The following RAB11FIP2 variants were observed in gnomAD, a reference collection of about 807,000 sequenced individuals.
RAB11FIP2 encodes the protein rab11 family-interacting protein 2.
In RAB11FIP2, 16 loss-of-function variants were observed where a neutral mutation model predicts 40.9. That is an observed-to-expected ratio of 0.39 (90% CI 0.26 to 0.59). The LOEUF (loss-of-function observed/expected upper bound fraction) is 0.59. Ranked by LOEUF, RAB11FIP2 falls within the 20% of genes least tolerant of loss-of-function variation. The pLI, the probability that RAB11FIP2 is intolerant of heterozygous loss-of-function variation, is 0.53. For synonymous variants in RAB11FIP2, 228 were observed against 213.7 expected, an observed-to-expected ratio of 1.07 and a Z score of -0.58; for missense variants, 532 against 606.2, an observed-to-expected ratio of 0.88 and a Z score of 1.28.
intron 3 of RAB11FIP2, among the ~76,000 whole-genome samples, chr10:118,038,280 A>T (rs1431693214): frequency 6.6e-6 from 1 of 151,010 alleles, no homozygotes; most frequent in Non-Finnish European, 1.5e-5. Context: ...ATAGATTTAA[A>T]TTTAGATATA....
rs935980776 is a variant in RAB11FIP2, at chr10:118,005,707, A to C, written c.*3291T>G. 1 of 152,192 alleles carries C rather than the reference A, an allele frequency of 6.6e-6. No homozygotes were observed. Among genetic ancestry groups the C allele is most frequent in the Non-Finnish European group, 1.5e-5 (1 of 68,012 alleles). The allele number at this position is 152,192 out of a possible 1,614,324, so 9.4% of individuals were successfully genotyped here. A position where few individuals can be genotyped will look rare whatever the true frequency, so the allele number is the denominator to read the frequency against. On this transcript the variant is annotated 3_prime_UTR_variant, in exon 5 of 5. Coordinates refer to ENST00000355624, the MANE Select transcript of RAB11FIP2 (RefSeq NM_014904.3). ...TCTGAAAAGCTACAGAGGAAAATAA[A>C]AGCTCTAGTGTAACATTTACTGTAG...
At chr10:118,017,211 C>T (rs1303338551) in intron 3 of RAB11FIP2, among the ~76,000 whole-genome samples, 1 of 152,128 alleles carries the variant, frequency 6.6e-6, no homozygotes, top group African/African-American at 2.4e-5. Flanking sequence ...AGCCCTAGCC[C>T]CATTCCCTGT....
At chr10:118,028,406 A>G (rs1168476215) in intron 3 of RAB11FIP2, among the ~76,000 whole-genome samples, 1 of 152,028 alleles carries the variant, frequency 6.6e-6, no homozygotes, top group Non-Finnish European at 1.5e-5. Context: ...GTTCAAAGAG[A>G]TAAATGTCAA....
chr10:118,035,006 T>G (rs992839945), intron 3 of RAB11FIP2, among the ~76,000 whole-genome samples: 1 of 152,126 alleles, frequency 6.6e-6, no homozygotes, highest in African/African-American at 2.4e-5. Context: ...CTCTGGCCAA[T>G]GGGACATATG....
chr10:118,036,033 C>T (rs1846477137), intron 3 of RAB11FIP2, among the ~76,000 whole-genome samples: 1 of 152,038 alleles, frequency 6.6e-6, no homozygotes, highest in Admixed American at 6.6e-5. Context: ...GTGCTTTCTT[C>T]AGGCGGACTT....
intron 1 of RAB11FIP2, among the ~76,000 whole-genome samples, chr10:118,044,477 T>C (rs1846601309): frequency 6.6e-6 from 1 of 152,186 alleles, no homozygotes; most frequent in African/African-American, 2.4e-5. Flanking sequence ...TGCCACTCTT[T>C]AGGTATCAAA....
At chr10:118,021,127 T>C (rs2133168145) in intron 3 of RAB11FIP2, among the ~76,000 whole-genome samples, 1 of 152,280 alleles carries the variant, frequency 6.6e-6, no homozygotes, top group South Asian at 2.1e-4. Flanking sequence ...CAATATGCTT[T>C]TCCAATTCAC....
chr10:118,040,612 G>A (rs1320844915), intron 1 of RAB11FIP2, 47 bp from the exon 2 acceptor site: 15 of 1,345,464 alleles, frequency 1.1e-5, no homozygotes, highest in Non-Finnish European at 1.5e-5. Context: ...AATAGAGAGA[G>A]GATACTGAGT....
intron 3 of RAB11FIP2, among the ~76,000 whole-genome samples, chr10:118,015,511 A>T (rs1263946944): frequency 6.6e-6 from 1 of 152,242 alleles, no homozygotes; most frequent in African/African-American, 2.4e-5. Flanking sequence ...GGTTGGAAAG[A>T]TTATAGAATA....
At chr10:118,028,019 G>A (rs183054236) in intron 3 of RAB11FIP2, among the ~76,000 whole-genome samples, 24 of 152,128 alleles carry the variant, frequency 1.6e-4, no homozygotes, top group African/African-American at 5.8e-4. Flanking sequence ...GTTTAACACA[G>A]TTTATTCTGC....
rs562280085 is a variant in RAB11FIP2, at chr10:118,006,088, G to A, written c.*2910C>T. The A allele has an allele frequency of 1.3e-5, 2 of 152,582 alleles. No homozygotes were observed. Among genetic ancestry groups the A allele is most frequent in the South Asian group, 2.1e-4 (1 of 4,824 alleles). 9.5% of individuals were successfully genotyped at this position (152,582 alleles called of 1,614,324 possible). On this transcript the variant is annotated 3_prime_UTR_variant, in exon 5 of 5. Coordinates refer to ENST00000355624, the MANE Select transcript of RAB11FIP2 (RefSeq NM_014904.3). ...GCAGCAAAAAGCAATACTTAAAAACGTTTTTCATGAATGGGTTACATGTTG... is the reference window on the plus strand; with the variant it reads ...GCAGCAAAAAGCAATACTTAAAAACATTTTTCATGAATGGGTTACATGTTG...
At chr10:118,032,439 C>T (rs930589705) in intron 3 of RAB11FIP2, among the ~76,000 whole-genome samples, 7 of 151,640 alleles carry the variant, frequency 4.6e-5, no homozygotes, top group Admixed American at 4.6e-4. Flanking sequence ...CCTATTCAGC[C>T]ATATCTTTTA....
In RAB11FIP2 at chr10:118,008,489, A is replaced by G. The variant is rs1186612555; in HGVS notation, c.*509T>C. The G allele has an allele frequency of 1.6e-4, 25 of 157,562 alleles. No homozygotes were observed. Among genetic ancestry groups the G allele is most frequent in the Admixed American group, 1.3e-3 (22 of 16,656 alleles). The allele number at this position is 157,562 out of a possible 1,614,324, so 9.8% of individuals were successfully genotyped here. The stretch of plus-strand genomic sequence containing the variant: ...ACATGTATATATGAGGTATATGCCT[A>G]TATTTTATATACAAGATACATGAAT... On this transcript the variant is annotated 3_prime_UTR_variant, in exon 5 of 5. Coordinates refer to ENST00000355624, the MANE Select transcript of RAB11FIP2 (RefSeq NM_014904.3).
rs1208307768 is a variant in RAB11FIP2, at chr10:118,046,657, A to T, written c.-494T>A. 2 of 152,590 alleles carry T rather than the reference A, an allele frequency of 1.3e-5. No individual in the cohort carries two copies. Among genetic ancestry groups the T allele is most frequent in the Non-Finnish European group, 2.9e-5 (2 of 68,612 alleles). 9.5% of individuals were successfully genotyped at this position (152,590 alleles called of 1,614,324 possible). A position where few individuals can be genotyped will look rare whatever the true frequency, so the allele number is the denominator to read the frequency against. The stretch of plus-strand genomic sequence containing the variant: ...CCTCCTCCCGACCCCGGTAATACGA[A>T]CCGCCGGCGGCTAACGCGGCCTCGC... On this transcript the variant is annotated 5_prime_UTR_variant, in exon 1 of 5. Coordinates refer to ENST00000355624, the MANE Select transcript of RAB11FIP2 (RefSeq NM_014904.3).
chr10:118,021,440 G>T (rs184771603), intron 3 of RAB11FIP2, among the ~76,000 whole-genome samples: 1 of 152,104 alleles, frequency 6.6e-6, no homozygotes, highest in Non-Finnish European at 1.5e-5. Context: ...ACCTGCTGGT[G>T]CACTCCCACT....
Position 118,045,825 on chromosome 10 carries a change from T to C in RAB11FIP2, c.339A>G (p.Gln113=), listed in dbSNP as rs776449703. 6.9e-6 allele frequency: 11 copies of C among 1,602,942 alleles called. No individual in the cohort carries two copies. The highest frequency in any genetic ancestry group is 9.4e-6 in the Non-Finnish European group (11 of 1,174,792). The change falls in exon 1 of 5, where the codon CAA becomes CAG. Residue 113 remains glutamine, a synonymous_variant. Coordinates refer to ENST00000355624, the MANE Select transcript of RAB11FIP2 (RefSeq NM_014904.3). ...INLNDIFEDK[Q]RRKTEWFRLE... Reference sequence around the variant, plus strand: ...ACATAACTTACTCTGTTTTCCTTCTTTGTTTGTCCTCAAAGATGTCATTGA... The same window carrying C: ...ACATAACTTACTCTGTTTTCCTTCTCTGTTTGTCCTCAAAGATGTCATTGA...
chr10:118,041,191 T>A (rs535022381), intron 1 of RAB11FIP2, among the ~76,000 whole-genome samples: 1 of 151,560 alleles, frequency 6.6e-6, no homozygotes, highest in Non-Finnish European at 1.5e-5. Context: ...GAATAAAATA[T>A]GCAAAAAATA....
Position 118,040,381 on chromosome 10 carries a change from A to T in RAB11FIP2, c.538T>A (p.Phe180Ile). The T allele has an allele frequency of 6.2e-7, 1 of 1,613,908 alleles. No homozygotes were observed. The highest frequency in any genetic ancestry group is 8.5e-7 in the Non-Finnish European group (1 of 1,179,804). ...ATGATTGCAGAAGACGTATCAGAAA[A>T]TGTTCCATCATTTTTTCTACCCTTC... ...KMKGRKNDGT[F>I]SDTSSAIIPS... is the part of the protein sequence containing the mutation. The change falls in exon 2 of 5, where the codon TTT becomes ATT. Residue 180 changes from phenylalanine (F) to isoleucine (I), a missense_variant. Coordinates refer to ENST00000355624, the MANE Select transcript of RAB11FIP2 (RefSeq NM_014904.3).
At chr10:118,016,169 A>G (rs991803644) in intron 3 of RAB11FIP2, among the ~76,000 whole-genome samples, 2 of 152,214 alleles carry the variant, frequency 1.3e-5, no homozygotes, top group African/African-American at 2.4e-5. Context: ...CATGTAACCA[A>G]GATTTCACTG....
Sources: gnomAD v4.1 joint callset for allele counts (sites outside exome capture counted in the v4.1 genomes callset) on GRCh38, gnomAD v4.1.1 for gene constraint, MANE v1.5 for transcripts, NCBI Gene and HGNC (gene_info 2026-07-23, HGNC 2026-07-21) for gene names.